Variants in MYO16 observed in about 807,000 individuals in gnomAD.
MYO16 encodes the protein unconventional myosin-XVI.
Under a neutral mutation model 205.3 loss-of-function variants are expected in MYO16, and 94 were observed. The ratio of observed to expected loss-of-function variants is 0.46; its 90% CI spans 0.39 to 0.54. The LOEUF (loss-of-function observed/expected upper bound fraction) is 0.54. Ranked by LOEUF, MYO16 falls within the 20% of genes least tolerant of loss-of-function variation. The probability of loss-of-function intolerance (pLI) is 0.00; values close to 1 mark genes in which losing one functional copy is unlikely to be tolerated. For synonymous variants in MYO16, 988 were observed against 954.0 expected, an observed-to-expected ratio of 1.04 and a Z score of -0.66; for missense variants, 2,315 against 2,387.5, an observed-to-expected ratio of 0.97 and a Z score of 0.63.
intron 2 of MYO16, among the ~76,000 whole-genome samples, chr13:108,671,456 CT>C (rs1432837025): frequency 6.6e-6 from 1 of 152,156 alleles, no homozygotes; most frequent in African/African-American, 2.4e-5. Flanking sequence ...ATAATTTCAT[CT>C]CTTTTAGTGA....
chr13:108,548,705 A>G, the MYO16 span, among the ~76,000 whole-genome samples: 1 of 152,028 alleles, frequency 6.6e-6, no homozygotes, highest in Admixed American at 6.6e-5. Context: ...GATGATTATG[A>G]TGATGAATGG....
chr13:109,043,632 AAAT>A (rs1886950814), intron 23 of MYO16, among the ~76,000 whole-genome samples: 1 of 152,194 alleles, frequency 6.6e-6, no homozygotes, highest in South Asian at 2.1e-4. Context: ...TTGTCTGTCA[AAAT>A]AATAAGTGAT....
At chr13:109,027,472 A>G (rs1486626509) in intron 23 of MYO16, among the ~76,000 whole-genome samples, 1 of 152,052 alleles carries the variant, frequency 6.6e-6, no homozygotes, top group Admixed American at 6.6e-5. Flanking sequence ...TCTTCACCAC[A>G]TCGTGGGGTG....
chr13:108,529,408 T>C, the MYO16 span, among the ~76,000 whole-genome samples: 4 of 152,350 alleles, frequency 2.6e-5, no homozygotes, highest in Admixed American at 2.6e-4. Flanking sequence ...AAAGCCATTT[T>C]TTTTTAATCT....
intron 3 of MYO16, among the ~76,000 whole-genome samples, chr13:108,720,605 G>C (rs981881595): frequency 2.0e-5 from 3 of 152,066 alleles, no homozygotes; most frequent in African/African-American, 7.2e-5. Flanking sequence ...TAATTTACTG[G>C]TAGAACTGTG....
chr13:108,698,693 T>G (rs151025484), intron 2 of MYO16, among the ~76,000 whole-genome samples: 2 of 152,326 alleles, frequency 1.3e-5, no homozygotes, highest in Non-Finnish European at 2.9e-5. Context: ...CAGTTTAACC[T>G]GCAAGTTCTA....
At chr13:108,583,082 G>T in the MYO16 span, among the ~76,000 whole-genome samples, 18 of 152,256 alleles carry the variant, frequency 1.2e-4, no homozygotes, top group Non-Finnish European at 1.9e-4. Context: ...AATAATATTT[G>T]TAGATTTATA....
the MYO16 span, among the ~76,000 whole-genome samples, chr13:108,590,345 C>T: frequency 5.9e-5 from 9 of 152,092 alleles, no homozygotes; most frequent in African/African-American, 1.7e-4. Context: ...ACCCTAGAAT[C>T]GGGTTTCATT....
intron 2 of MYO16, among the ~76,000 whole-genome samples, chr13:108,690,611 T>A (rs1882858866): frequency 6.6e-6 from 1 of 152,138 alleles, no homozygotes; most frequent in South Asian, 2.1e-4. Flanking sequence ...TTTATTTTAC[T>A]TAAATTTCTG....
At chr13:108,972,249 C>CTCTATA (rs1178345437) in intron 20 of MYO16, among the ~76,000 whole-genome samples, 2 of 2,852 alleles carry the variant, frequency 7.0e-4, no homozygotes, top group Non-Finnish European at 1.2e-3. Context: ...CTCTCTCTCT[C>CTCTATA]TATATATATA....
chr13:108,757,248 C>T (rs569393762), intron 4 of MYO16, among the ~76,000 whole-genome samples: 4 of 152,104 alleles, frequency 2.6e-5, no homozygotes, highest in Non-Finnish European at 5.9e-5. Context: ...TGTATTTATT[C>T]ACTTCTGAGC....
intron 5 of MYO16, among the ~76,000 whole-genome samples, chr13:108,787,066 T>C (rs1480293848): frequency 6.6e-6 from 1 of 152,238 alleles, no homozygotes; most frequent in African/African-American, 2.4e-5. Context: ...CTTGGCGCAA[T>C]GGTGCCTATA....
rs143838559 is a variant in MYO16, at chr13:108,615,096, C to T, written c.-39+18857C>T. Among the ~76,000 whole-genome samples the T allele has an allele frequency of 4.5e-3, 682 of 152,034 alleles. 4 individuals are homozygous for T. Among genetic ancestry groups the T allele is most frequent in the Non-Finnish European group, 5.5e-3 (371 of 67,898 alleles). On this transcript the variant is annotated intron_variant, in intron 1 of 24. Coordinates refer to the MYO16 transcript ENST00000251041. ...TTTTTCTAAAATATTTAAAGTGACT[C>T]TTGCAATATAACAATAAAAAGACAA... is the stretch of plus-strand genomic sequence containing the variant.
the MYO16 span, among the ~76,000 whole-genome samples, chr13:108,578,800 T>A: frequency 6.6e-6 from 1 of 152,056 alleles, no homozygotes; most frequent in East Asian, 1.9e-4. Flanking sequence ...TCTTGTGGTG[T>A]GTTCATAACT....
At chr13:108,951,762 A>T (rs551789351) in intron 16 of MYO16, among the ~76,000 whole-genome samples, 1 of 152,288 alleles carries the variant, frequency 6.6e-6, no homozygotes, top group African/African-American at 2.4e-5. Flanking sequence ...TTCAGTTGCC[A>T]ACTCAACCCA....
chr13:108,767,276 G>A (rs1461523938), intron 4 of MYO16, among the ~76,000 whole-genome samples: 1 of 151,986 alleles, frequency 6.6e-6, no homozygotes, highest in Admixed American at 6.6e-5. Context: ...TTAATATTTT[G>A]TATTTTTAGT....
chr13:109,136,067 T>C (rs1468280448), intron 31 of MYO16, among the ~76,000 whole-genome samples: 1 of 151,798 alleles, frequency 6.6e-6, no homozygotes, highest in Admixed American at 6.6e-5. Context: ...CCTTCCTTCC[T>C]TCCTTCCTTC....
intron 31 of MYO16, among the ~76,000 whole-genome samples, chr13:109,139,799 C>T (rs1372633302): frequency 6.6e-6 from 1 of 151,866 alleles, no homozygotes; most frequent in Non-Finnish European, 1.5e-5. Flanking sequence ...ACAGATAACA[C>T]AAGTAGTTTA....
intron 7 of MYO16, among the ~76,000 whole-genome samples, chr13:108,817,121 A>G (rs1221097177): frequency 6.6e-6 from 1 of 152,246 alleles, no homozygotes; most frequent in Non-Finnish European, 1.5e-5. Context: ...ACCACTTGGT[A>G]AACTTTTCTG....
Sources: allele counts gnomAD v4.1 joint callset (sites outside exome capture counted in the v4.1 genomes callset), GRCh38; gene constraint gnomAD v4.1.1; transcripts MANE v1.5; gene names NCBI Gene and HGNC (gene_info 2026-07-23, HGNC 2026-07-21).